The following ELOVL6 variants were observed in gnomAD, a reference collection of about 807,000 sequenced individuals.
ELOVL6 encodes the protein very long chain fatty acid elongase 6.
Under a neutral mutation model 31.7 loss-of-function variants are expected in ELOVL6, and 8 were observed. The ratio of observed to expected loss-of-function variants is 0.25; its 90% CI spans 0.15 to 0.45. The LOEUF (loss-of-function observed/expected upper bound fraction) is 0.45, where lower values mean the gene tolerates loss of function less well. Ranked by LOEUF, ELOVL6 falls within the 20% of genes least tolerant of loss-of-function variation. ELOVL6 has a pLI of 1.00. For missense variants in ELOVL6, 126 were observed against 326.4 expected, an observed-to-expected ratio of 0.39 and a Z score of 4.73; for synonymous variants, 101 against 117.7, an observed-to-expected ratio of 0.86 and a Z score of 0.92.
intron 3 of ELOVL6, 51 bp downstream of exon 3, chr4:110,059,552 G>A: frequency 1.3e-6 from 2 of 1,566,752 alleles, no homozygotes; most frequent in Non-Finnish European, 8.7e-7. Flanking sequence ...AATAAATACT[G>A]TGGATATGTT....
At chr4:110,092,590 C>T (rs111904609) in intron 2 of ELOVL6, among the ~76,000 whole-genome samples, 186 of 152,258 alleles carry the variant, frequency 1.2e-3, no homozygotes, top group African/African-American at 4.3e-3. Flanking sequence ...CTAATGAGAA[C>T]GACCAGAGAA....
rs1754700866 is a variant in ELOVL6 at position 110,046,470 on chromosome 4, C to T, written c.*4868G>A. 1 of 152,200 alleles carries T rather than the reference C, an allele frequency of 6.6e-6. No individual in the cohort carries two copies. Among genetic ancestry groups the T allele is most frequent in the Admixed American group, 6.5e-5 (1 of 15,280 alleles). The allele number at this position is 152,200 out of a possible 1,614,324, so 9.4% of individuals were successfully genotyped here. The stretch of plus-strand genomic sequence containing the variant: ...GAATGTGCTCCCACTGTCCATCTAA[C>T]TTCTAGAACAACTTCCACATCACTT... On this transcript the variant is annotated 3_prime_UTR_variant, in exon 4 of 4. Coordinates refer to ENST00000302274, the MANE Select transcript of ELOVL6 (RefSeq NM_024090.3).
chr4:110,195,228 C>G (rs540615291), intron 1 of ELOVL6, among the ~76,000 whole-genome samples: 47 of 152,234 alleles, frequency 3.1e-4, no homozygotes, highest in African/African-American at 1.1e-3. Flanking sequence ...AGCAATTCTC[C>G]TGCCTCAACC....
At chr4:110,134,742 T>G (rs558512009) in intron 1 of ELOVL6, among the ~76,000 whole-genome samples, 2 of 152,216 alleles carry the variant, frequency 1.3e-5, no homozygotes, top group South Asian at 4.1e-4. Context: ...GGAGGATCAC[T>G]TGAGGCCAGG....
intron 1 of ELOVL6, among the ~76,000 whole-genome samples, chr4:110,168,884 G>A (rs1758857923): frequency 6.6e-6 from 1 of 152,166 alleles, no homozygotes; most frequent in Non-Finnish European, 1.5e-5. Context: ...TAATGTTCAT[G>A]AAGCCTTTAG....
intron 3 of ELOVL6, among the ~76,000 whole-genome samples, chr4:110,054,976 A>G (rs1321393660): frequency 6.6e-6 from 1 of 152,184 alleles, no homozygotes; most frequent in Non-Finnish European, 1.5e-5. Context: ...ATCATCTCCC[A>G]GCAATGGCTC....
chr4:110,065,611 G>C, intron 2 of ELOVL6, among the ~76,000 whole-genome samples: 1 of 152,138 alleles, frequency 6.6e-6, no homozygotes, highest in East Asian at 1.9e-4. Context: ...GTGACAGAGT[G>C]AGACCCTTTC....
chr4:110,160,151 T>G lies in ELOVL6; in HGVS notation c.89+38096A>C, dbSNP rs189390407. Among the ~76,000 whole-genome samples, 10 of 152,146 alleles carry G rather than the reference T, an allele frequency of 6.6e-5. 1 individual carries two copies. The South Asian group carries it at 1.0e-3, about 16-fold the overall frequency. ...ACACACAAACACTATTGGATGTCTT[T>G]TTAACAGTGTATCTTGGAGATCTTT... is the stretch of plus-strand genomic sequence containing the variant. On this transcript the variant is annotated intron_variant, in intron 1 of 3. Transcript: ENST00000302274.
chr4:110,074,141 T>C (rs1755566566), intron 2 of ELOVL6, among the ~76,000 whole-genome samples: 1 of 152,182 alleles, frequency 6.6e-6, no homozygotes, highest in South Asian at 2.1e-4. Context: ...TCCCAGGAAC[T>C]CCCCAGGATA....
At chr4:110,149,022 A>T (rs996989668) in intron 1 of ELOVL6, among the ~76,000 whole-genome samples, 2 of 152,132 alleles carry the variant, frequency 1.3e-5, no homozygotes, top group African/African-American at 2.4e-5. Context: ...CACTATGCCC[A>T]GCTAATTTGT....
intron 3 of ELOVL6, among the ~76,000 whole-genome samples, chr4:110,053,190 T>C (rs895201106): frequency 3.4e-4 from 52 of 152,314 alleles, no homozygotes; most frequent in African/African-American, 1.2e-3. Flanking sequence ...GCTGGGACTA[T>C]AGGCGTGAGC....
At position 110,094,697 on chromosome 4, in the gene ELOVL6, T is replaced by C. The variant is rs192013251; in HGVS notation, c.221+10800A>G. Among the ~76,000 whole-genome samples the C allele has an allele frequency of 1.1e-4, 17 of 151,368 alleles. No individual in the cohort carries two copies. The East Asian group carries it at 2.9e-3, about 26-fold the overall frequency. ...AGGCTGTGTAGGGCTTTGTAGGCCA[T>C]TGCAGGCTCCTGACACTACATAACA... On this transcript the variant is annotated intron_variant, in intron 2 of 3. Transcript: ENST00000302274.
chr4:110,094,122 G>A (rs557428962), intron 2 of ELOVL6, among the ~76,000 whole-genome samples: 9 of 151,602 alleles, frequency 5.9e-5, no homozygotes, highest in Non-Finnish European at 8.8e-5. Context: ...GGTGGCATGC[G>A]TCTGTAGTTC....
intron 1 of ELOVL6, among the ~76,000 whole-genome samples, chr4:110,106,523 A>G (rs1756895685): frequency 6.6e-6 from 1 of 152,070 alleles, no homozygotes; most frequent in Non-Finnish European, 1.5e-5. Flanking sequence ...GTACCATGGC[A>G]TTTGTGAACT....
chr4:110,077,161 G>T (rs1165310576), intron 2 of ELOVL6, among the ~76,000 whole-genome samples: 1 of 152,210 alleles, frequency 6.6e-6, no homozygotes, highest in African/African-American at 2.4e-5. Context: ...CCACCTCTGG[G>T]GGCAGGGCAT....
chr4:110,148,036 G>A (rs983863932), intron 1 of ELOVL6, among the ~76,000 whole-genome samples: 14 of 150,490 alleles, frequency 9.3e-5, no homozygotes, highest in African/African-American at 2.9e-4. Context: ...ATCCGCCCAG[G>A]AGGCAGAGGT....
intron 2 of ELOVL6, among the ~76,000 whole-genome samples, chr4:110,068,803 G>A (rs943368584): frequency 2.0e-5 from 3 of 152,110 alleles, no homozygotes; most frequent in Non-Finnish European, 2.9e-5. Context: ...AAACTAACCT[G>A]ATAAAAACCA....
chr4:110,198,086 C>T lies in ELOVL6; in HGVS notation c.89+161G>A, dbSNP rs1020235873. ...TCGCGCTTCATGTACCCCCCCCCCC[C>T]CAGCGTCTCCTGCACCCGGGAGACC... On this transcript the variant is annotated intron_variant, in intron 1 of 3. Transcript: ENST00000302274. The T allele has an allele frequency of 3.3e-5, 12 of 366,586 alleles. 3 individuals carry two copies. Among genetic ancestry groups the T allele is most frequent in the Non-Finnish European group, 4.7e-5 (9 of 192,380 alleles). 22.7% of individuals were successfully genotyped at this position (366,586 alleles called of 1,614,324 possible).
At chr4:110,121,525 C>A (rs971961666) in intron 1 of ELOVL6, among the ~76,000 whole-genome samples, 1 of 152,028 alleles carries the variant, frequency 6.6e-6, no homozygotes, top group Admixed American at 6.6e-5. Flanking sequence ...GGTGAAACCC[C>A]GTCTCTACTA....
Sources: allele counts gnomAD v4.1 joint callset (sites outside exome capture counted in the v4.1 genomes callset), GRCh38; gene constraint gnomAD v4.1.1; transcripts MANE v1.5; gene names NCBI Gene and HGNC (gene_info 2026-07-23, HGNC 2026-07-21).